Variants in KCNB2 observed in about 807,000 individuals in gnomAD.
KCNB2 encodes the protein delayed rectifier potassium channel protein.
In KCNB2, 15 loss-of-function variants were observed where a neutral mutation model predicts 61.5. That is an observed-to-expected ratio of 0.24 (90% CI 0.16 to 0.38). KCNB2 has a LOEUF of 0.38. Ranked by LOEUF, KCNB2 falls within the 10% of genes least tolerant of loss-of-function variation. The probability of loss-of-function intolerance (pLI) is 1.00; values close to 1 mark genes in which losing one functional copy is unlikely to be tolerated. For missense variants in KCNB2, 828 were observed against 1,125.2 expected, an observed-to-expected ratio of 0.74 and a Z score of 3.78; for synonymous variants, 457 against 446.0, an observed-to-expected ratio of 1.02 and a Z score of -0.31.
intron 2 of KCNB2, among the ~76,000 whole-genome samples, chr8:72,868,492 C>T (rs545876970): frequency 6.6e-5 from 10 of 151,850 alleles, no homozygotes; most frequent in African/African-American, 1.9e-4. Flanking sequence ...ACAGGAGAAT[C>T]GCTTGAACCA....
At chr8:72,564,565 A>G (rs943205183) in intron 1 of KCNB2, among the ~76,000 whole-genome samples, 2 of 152,216 alleles carry the variant, frequency 1.3e-5, no homozygotes, top group African/African-American at 4.8e-5. Flanking sequence ...CAGATTCATC[A>G]CTGGAATTGC....
chr8:72,569,285 T>A (rs1274066284), intron 2 of KCNB2, among the ~76,000 whole-genome samples: 1 of 152,240 alleles, frequency 6.6e-6, no homozygotes, highest in Admixed American at 6.5e-5. Context: ...TGTCATCACA[T>A]GAATTCTTTT....
At chr8:72,779,457 C>T (rs1221083338) in intron 2 of KCNB2, among the ~76,000 whole-genome samples, 2 of 150,906 alleles carry the variant, frequency 1.3e-5, no homozygotes, top group Non-Finnish European at 3.0e-5. Flanking sequence ...GAATTAAAAC[C>T]AGATGCCTTC....
intron 2 of KCNB2, among the ~76,000 whole-genome samples, chr8:72,597,057 T>C (rs894989082): frequency 7.8e-6 from 1 of 128,554 alleles, no homozygotes; most frequent in Non-Finnish European, 1.6e-5. Context: ...TGGACTCTCA[T>C]TCTGTCACCA....
At chr8:72,657,062 T>C (rs575946186) in intron 2 of KCNB2, among the ~76,000 whole-genome samples, 1 of 152,294 alleles carries the variant, frequency 6.6e-6, no homozygotes, top group Admixed American at 6.6e-5. Context: ...TAAATTACTT[T>C]TAATTCAATT....
In KCNB2 at chr8:72,735,883, A is replaced by G. The variant is rs549323705; in HGVS notation, c.579+167570A>G. On this transcript the variant is annotated intron_variant, in intron 2 of 2. Coordinates refer to ENST00000523207, the MANE Select transcript of KCNB2 (RefSeq NM_004770.3). ...CGCAGAAACTGGGCAGAGTGGGCCAAATTTCATCTTTCATATAAATTATAG... is the reference window on the plus strand; with the variant it reads ...CGCAGAAACTGGGCAGAGTGGGCCAGATTTCATCTTTCATATAAATTATAG... Among the ~76,000 whole-genome samples, 25 of 152,290 alleles carry G rather than the reference A, an allele frequency of 1.6e-4. 1 individual carries two copies. The South Asian group carries it at 5.2e-3, about 32-fold the overall frequency.
At chr8:72,551,689 G>A (rs979117410) in intron 1 of KCNB2, among the ~76,000 whole-genome samples, 5 of 152,068 alleles carry the variant, frequency 3.3e-5, no homozygotes, top group Non-Finnish European at 7.4e-5. Flanking sequence ...ACCCTGATTC[G>A]TTATGGCACT....
intron 2 of KCNB2, among the ~76,000 whole-genome samples, chr8:72,849,524 G>A (rs979857313): frequency 6.6e-6 from 1 of 152,068 alleles, no homozygotes; most frequent in Admixed American, 6.6e-5. Flanking sequence ...CATATTGTAT[G>A]AATATAAAAC....
intron 2 of KCNB2, among the ~76,000 whole-genome samples, chr8:72,872,217 T>A (rs1177652252): frequency 6.6e-6 from 1 of 152,200 alleles, no homozygotes. Context: ...ATTGCTCCAT[T>A]TGGCAGCATC....
intron 2 of KCNB2, among the ~76,000 whole-genome samples, chr8:72,708,644 CT>C (rs1323977309): frequency 6.6e-6 from 1 of 152,158 alleles, no homozygotes; most frequent in Non-Finnish European, 1.5e-5. Flanking sequence ...ACTTTTCAGT[CT>C]TTGATTTCAG....
At chr8:72,744,722 A>C (rs1257120789) in intron 2 of KCNB2, among the ~76,000 whole-genome samples, 1 of 152,124 alleles carries the variant, frequency 6.6e-6, no homozygotes, top group Non-Finnish European at 1.5e-5. Flanking sequence ...CTTAGGGCCG[A>C]GCATCCCAGA....
At position 72,935,797 on chromosome 8, in the gene KCNB2, T is replaced by C. The variant is rs2129009390; in HGVS notation, c.580-138T>C. On this transcript the variant is annotated intron_variant, in intron 2 of 2. Coordinates refer to ENST00000523207, the MANE Select transcript of KCNB2 (RefSeq NM_004770.3). ...TTTGTGTTAGTTAGGGAATTTTAAG[T>C]TGTAAAATTACCTTCTTATAATCTT... 3 of 695,042 alleles carry C rather than the reference T, an allele frequency of 4.3e-6. No homozygotes were observed. In the East Asian group the frequency reaches 7.4e-5, roughly 17 times the overall value. 43.1% of individuals were successfully genotyped at this position (695,042 alleles called of 1,614,324 possible).
In KCNB2 at chr8:72,713,411, A is replaced by G. The variant is rs1807362267; in HGVS notation, c.579+145098A>G. 2.0e-5 allele frequency among the ~76,000 whole-genome samples: 3 copies of G among 152,288 alleles called. No homozygotes were observed. In the South Asian group the frequency reaches 6.2e-4, roughly 32 times the overall value. On this transcript the variant is annotated intron_variant, in intron 2 of 2. Transcript: ENST00000523207. ...GTACCCTAACTGGGAGGCACCCCCC[A>G]CTAGGGGCCAACTGACACCTCACAC...
chr8:72,778,872 C>T (rs974321958), intron 2 of KCNB2, among the ~76,000 whole-genome samples: 7 of 151,900 alleles, frequency 4.6e-5, no homozygotes, highest in Admixed American at 3.9e-4. Context: ...AACACAACCT[C>T]GTAGCCTCAT....
intron 2 of KCNB2, among the ~76,000 whole-genome samples, chr8:72,889,062 G>A: frequency 6.6e-6 from 1 of 152,142 alleles, no homozygotes; most frequent in East Asian, 1.9e-4. Context: ...ACAGTAGAGA[G>A]CACACTCTCT....
intron 2 of KCNB2, among the ~76,000 whole-genome samples, chr8:72,928,433 T>G (rs1200546052): frequency 1.3e-5 from 2 of 152,094 alleles, no homozygotes; most frequent in Non-Finnish European, 2.9e-5. Context: ...TCACCTCAAG[T>G]GATCCGTGCG....
chr8:72,835,720 A>C (rs959955997), intron 2 of KCNB2, among the ~76,000 whole-genome samples: 1 of 152,190 alleles, frequency 6.6e-6, no homozygotes, highest in Non-Finnish European at 1.5e-5. Flanking sequence ...GATAGTATGG[A>C]GAGCCAAACT....
At chr8:72,805,003 G>A (rs1312635068) in intron 2 of KCNB2, among the ~76,000 whole-genome samples, 1 of 152,112 alleles carries the variant, frequency 6.6e-6, no homozygotes, top group African/African-American at 2.4e-5. Context: ...ACATGGCTGC[G>A]ACTCTTCCGC....
chr8:72,838,546 AT>A (rs1339984737), intron 2 of KCNB2, among the ~76,000 whole-genome samples: 1 of 152,156 alleles, frequency 6.6e-6, no homozygotes, highest in East Asian at 1.9e-4. Context: ...AGTCTTTGCT[AT>A]TGTGAATAGT....
Sources: gnomAD v4.1 joint callset for allele counts (sites outside exome capture counted in the v4.1 genomes callset) on GRCh38, gnomAD v4.1.1 for gene constraint, MANE v1.5 for transcripts, NCBI Gene and HGNC (gene_info 2026-07-23, HGNC 2026-07-21) for gene names.